GSG1L: variants seen among roughly 807,000 people sequenced by gnomAD.
GSG1L encodes germ cell-specific gene 1-like protein.
Under a neutral mutation model 42.1 loss-of-function variants are expected in GSG1L, and 24 were observed. The ratio of observed to expected loss-of-function variants is 0.57; its 90% confidence interval spans 0.41 to 0.80. The LOEUF is 0.80. Ranked by LOEUF, GSG1L falls within the 30% of genes least tolerant of loss-of-function variation. The pLI is 0.00. For missense variants in GSG1L, 445 were observed against 472.2 expected (o/e 0.94, Z 0.53); for synonymous variants, 215 against 203.5 (o/e 1.06, Z -0.48).
intron 1 of GSG1L, among the ~76,000 whole-genome samples, chr16:28,035,927 G>GCCCC (rs2086030042): frequency 6.6e-6 from 1 of 152,204 alleles, no homozygotes; most frequent in South Asian, 2.1e-4. Flanking sequence ...GATTCATTTG[G>GCCCC]ATCAGCAAAC....
chr16:28,034,111 T>A (rs1482091054), intron 1 of GSG1L, among the ~76,000 whole-genome samples: 1 of 150,040 alleles, frequency 6.7e-6, no homozygotes, highest in African/African-American at 2.5e-5. Context: ...TCCCAACCCA[T>A]CCCAACACAT....
At chr16:28,053,394 G>A (rs762395466) in intron 1 of GSG1L, among the ~76,000 whole-genome samples, 2 of 152,188 alleles carry the variant, frequency 1.3e-5, no homozygotes, top group African/African-American at 4.8e-5. Context: ...ACATGAAGAG[G>A]GGTCAGTGAT....
chr16:27,911,980 C>T (rs571733809), intron 2 of GSG1L, among the ~76,000 whole-genome samples: 4 of 152,268 alleles, frequency 2.6e-5, no homozygotes, highest in Non-Finnish European at 4.4e-5. Flanking sequence ...TCTTGAACTG[C>T]GCCTGACACA....
chr16:28,007,157 G>T (rs1207715750), intron 1 of GSG1L, among the ~76,000 whole-genome samples: 1 of 152,176 alleles, frequency 6.6e-6, no homozygotes. Context: ...AAGGGACTCT[G>T]CTGGGTGATG....
At chr16:28,024,386 T>C (rs995931061) in intron 1 of GSG1L, among the ~76,000 whole-genome samples, 1 of 152,204 alleles carries the variant, frequency 6.6e-6, no homozygotes, top group African/African-American at 2.4e-5. Flanking sequence ...GCATCTGACA[T>C]GATGCGTTTA....
At chr16:27,878,398 A>G (rs2083913335) in intron 3 of GSG1L, among the ~76,000 whole-genome samples, 1 of 152,188 alleles carries the variant, frequency 6.6e-6, no homozygotes. Flanking sequence ...GGAACCCCTT[A>G]TGAAACCATC....
intron 3 of GSG1L, among the ~76,000 whole-genome samples, chr16:27,871,771 A>G (rs936353555): frequency 1.5e-4 from 23 of 152,258 alleles, no homozygotes; most frequent in African/African-American, 5.1e-4. Flanking sequence ...TGAATGGAAG[A>G]AGCCAGTCAT....
chr16:27,983,402 T>G (rs757884536), intron 1 of GSG1L, among the ~76,000 whole-genome samples: 1 of 152,038 alleles, frequency 6.6e-6, no homozygotes, highest in Non-Finnish European at 1.5e-5. Context: ...CCATTGACAT[T>G]TCAGGGCTTA....
chr16:27,973,439 CAAAAAAAAAAAAAA>C (rs71140935), intron 1 of GSG1L, among the ~76,000 whole-genome samples: 4 of 29,848 alleles, frequency 1.3e-4, no homozygotes, highest in Non-Finnish European at 1.8e-4. Context: ...GACCCCATCA[CAAAAAAAAAAAAAA>C]AAAAAAAAAA....
At chr16:27,837,381 A>G (rs944591431) in intron 4 of GSG1L, among the ~76,000 whole-genome samples, 2 of 151,970 alleles carry the variant, frequency 1.3e-5, no homozygotes, top group African/African-American at 2.4e-5. Flanking sequence ...AAGCCTAACC[A>G]TATCAGCCAC....
In GSG1L at chr16:27,801,406, T is replaced by G. The variant is rs973492293; in HGVS notation, c.898+6081A>C. Reference sequence around the variant, plus strand: ...GGCAGAGAAGTGCTTAGCACAGACCTGCACACAGTAAGTGTTTAATAATGC... The same window carrying G: ...GGCAGAGAAGTGCTTAGCACAGACCGGCACACAGTAAGTGTTTAATAATGC... On this transcript the variant is annotated intron_variant, in intron 6 of 6. Coordinates refer to ENST00000447459, the MANE Select transcript of GSG1L (RefSeq NM_001109763.2). 4.6e-5 allele frequency among the ~76,000 whole-genome samples: 7 copies of G among 152,330 alleles called. No homozygotes were observed. In the East Asian group the frequency reaches 1.4e-3, roughly 29 times the overall value.
intron 5 of GSG1L, among the ~76,000 whole-genome samples, chr16:27,826,284 C>G (rs944882500): frequency 3.9e-5 from 6 of 152,102 alleles, no homozygotes; most frequent in Non-Finnish European, 7.4e-5. Flanking sequence ...GGTCTCCTCA[C>G]CCCATGCGCT....
In GSG1L at chr16:27,946,656, A is replaced by AAAGAAAGAAAG. The variant is rs879647684; in HGVS notation, c.397+16499_397+16500insCTTTCTTTCTT. Among the ~76,000 whole-genome samples, 123 of 27,374 alleles carry AAAGAAAGAAAG rather than the reference A, an allele frequency of 4.5e-3. 6 individuals are homozygous for AAAGAAAGAAAG. The highest frequency in any genetic ancestry group is 0.012 in the East Asian group (10 of 862). 18.0% of individuals were successfully genotyped at this position (27,374 alleles called of 152,430 possible). The stretch of plus-strand genomic sequence containing the variant: ...GAAAGAAAGAAAGAAAGAAAGAAAG[A>AAAGAAAGAAAG]AAAGAAAGAAAGAAAGAAAGAAAGA... On this transcript the variant is annotated intron_variant, in intron 2 of 6. Coordinates refer to ENST00000447459, the MANE Select transcript of GSG1L (RefSeq NM_001109763.2).
chr16:27,814,497 C>A lies in GSG1L; in HGVS notation c.831-6943G>T, dbSNP rs1472325829. 5.9e-5 allele frequency among the ~76,000 whole-genome samples: 9 copies of A among 152,100 alleles called. 1 individual carries two copies. Among genetic ancestry groups the A allele is most frequent in the African/African-American group, 2.2e-4 (9 of 41,410 alleles). Reference sequence around the variant, plus strand: ...CCTCAGGGTCTAGCACAGTGTGTGGCACAAAGTATTGTAAATAATGCAAGA... The same window carrying A: ...CCTCAGGGTCTAGCACAGTGTGTGGAACAAAGTATTGTAAATAATGCAAGA... On this transcript the variant is annotated intron_variant, in intron 5 of 6. Transcript: ENST00000447459.
At chr16:28,044,078 A>T (rs1802166272) in intron 1 of GSG1L, among the ~76,000 whole-genome samples, 1 of 152,172 alleles carries the variant, frequency 6.6e-6, no homozygotes, top group Admixed American at 6.5e-5. Flanking sequence ...TAATACAATC[A>T]AGTCTTCCTA....
At chr16:27,799,174 C>T (rs1273184025) in intron 6 of GSG1L, among the ~76,000 whole-genome samples, 3 of 150,204 alleles carry the variant, frequency 2.0e-5, no homozygotes, top group East Asian at 2.0e-4. Flanking sequence ...AAGGCTGAAG[C>T]GGGAGGATTG....
intron 1 of GSG1L, among the ~76,000 whole-genome samples, chr16:27,997,768 C>T (rs781333588): frequency 6.6e-6 from 1 of 151,376 alleles, no homozygotes; most frequent in Non-Finnish European, 1.5e-5. Flanking sequence ...GCAGTGAAGC[C>T]TCAGATTTTA....
At chr16:27,974,028 AT>A (rs1189750131) in intron 1 of GSG1L, among the ~76,000 whole-genome samples, 1 of 151,806 alleles carries the variant, frequency 6.6e-6, no homozygotes, top group Non-Finnish European at 1.5e-5. Context: ...TCCCCATCTG[AT>A]TCCCTTTGAG....
intron 1 of GSG1L, among the ~76,000 whole-genome samples, chr16:28,010,194 C>T (rs549459966): frequency 2.6e-5 from 4 of 152,248 alleles, no homozygotes; most frequent in South Asian, 4.1e-4. Context: ...GAACCTCCCA[C>T]GGATCTTCAG....
Sources: allele counts gnomAD v4.1 joint callset (sites outside exome capture counted in the v4.1 genomes callset), GRCh38; gene constraint gnomAD v4.1.1; transcripts MANE v1.5; gene names NCBI Gene and HGNC (gene_info 2026-07-23, HGNC 2026-07-21).